The following MEI1 variants were observed in gnomAD, a reference collection of about 807,000 sequenced individuals.
The protein encoded by MEI1 is meiosis inhibitor protein 1.
MEI1 carries 103 observed loss-of-function variants against 146.2 expected under a neutral mutation model. The ratio of observed to expected loss-of-function variants is 0.70; its 90% CI spans 0.60 to 0.83. The LOEUF is 0.83. Ranked by LOEUF, MEI1 falls within the 40% of genes least tolerant of loss-of-function variation. The pLI is 0.00. For missense variants in MEI1, 1,529 were observed against 1,533.0 expected, an observed-to-expected ratio of 1.00 and a Z score of 0.04; for synonymous variants, 652 against 628.2, an observed-to-expected ratio of 1.04 and a Z score of -0.57.
At chr22:41,745,126 C>A in intron 13 of MEI1, 62 bp downstream of exon 13, 1 of 1,179,790 alleles carries the variant, frequency 8.5e-7, no homozygotes, top group South Asian at 1.7e-5. Flanking sequence ...GGGATTCAGA[C>A]AATGGGTGAA....
At chr22:41,737,322 C>G (rs962289436) in intron 11 of MEI1, among the ~76,000 whole-genome samples, 4 of 150,200 alleles carry the variant, frequency 2.7e-5, no homozygotes, top group African/African-American at 9.8e-5. Flanking sequence ...CTGCAAGCTC[C>G]GCCTCCTGGA....
At chr22:41,728,416 T>C (rs1454016635) in intron 7 of MEI1, among the ~76,000 whole-genome samples, 1 of 152,226 alleles carries the variant, frequency 6.6e-6, no homozygotes, top group Non-Finnish European at 1.5e-5. Context: ...TCCCTTGTTA[T>C]GTCACAGAAT....
At chr22:41,745,212 G>A in intron 13 of MEI1, 148 bp downstream of exon 13, 2 of 538,880 alleles carry the variant, frequency 3.7e-6, no homozygotes, top group Non-Finnish European at 6.3e-6. Context: ...GGGGTTGGGG[G>A]TGTGTGGAGG....
At chr22:41,750,925 A>G (rs542424544) in intron 15 of MEI1, among the ~76,000 whole-genome samples, 3 of 152,204 alleles carry the variant, frequency 2.0e-5, no homozygotes, top group East Asian at 3.9e-4. Context: ...CGGACCCAAG[A>G]GGATCTAGTC....
intron 20 of MEI1, among the ~76,000 whole-genome samples, chr22:41,773,598 G>A (rs991705771): frequency 7.3e-5 from 11 of 151,246 alleles, no homozygotes; most frequent in Admixed American, 2.0e-4. Flanking sequence ...CAAGGAGGCC[G>A]GGCGCGGTGG....
chr22:41,716,261 C>A, intron 5 of MEI1, 115 bp downstream of exon 5: 2 of 672,754 alleles, frequency 3.0e-6, no homozygotes, highest in Non-Finnish European at 5.1e-6. Flanking sequence ...CCTGCTTTAG[C>A]CTTCAGTTTC....
intron 6 of MEI1, among the ~76,000 whole-genome samples, chr22:41,720,336 G>C (rs2070653344): frequency 6.6e-6 from 1 of 152,176 alleles, no homozygotes; most frequent in Admixed American, 6.5e-5. Context: ...GCCCTAGGGT[G>C]AGGCCCTTGG....
Position 41,795,489 on chromosome 22 carries a change from C to A in MEI1, c.3613C>A (p.Leu1205Met). ...TCTGCAAGGTGTGGCTTTGGCTGAC[C>A]TGTCTACCCTCTCGAACACCACACT... The part of the protein sequence containing the change: ...DVLQGVALAD[L>M]STLSNTTLQA... Residue 1205 changes from leucine (L) to methionine (M), a missense_variant, in exon 29 of 31, where the codon CTG (leucine) becomes ATG (methionine). Transcript: ENST00000401548. The surrounding 1 kb of genome is among the most constrained non-coding windows in gnomAD (Gnocchi z 4.2). The A allele has an allele frequency of 1.9e-6, 3 of 1,613,506 alleles. No homozygotes were observed. Among genetic ancestry groups the A allele is most frequent in the African/African-American group, 1.3e-5 (1 of 74,886 alleles).
rs760066535 is a variant in MEI1 at position 41,714,069 on chromosome 22, C to G, written c.417C>G (p.His139Gln). The G allele has an allele frequency of 7.5e-6, 12 of 1,597,052 alleles. No individual in the cohort carries two copies. Among genetic ancestry groups the G allele is most frequent in the Non-Finnish European group, 9.4e-6 (11 of 1,171,690 alleles). Reference protein sequence around the residue: ...QTIRCLLDECHKELCNMPSMR... With the variant: ...QTIRCLLDECQKELCNMPSMR... Reference sequence around the variant, plus strand: ...TCCGTTGCCTGCTGGATGAGTGCCACAAAGAGGTCAGAAAATAGCTATGGG... The same window carrying G: ...TCCGTTGCCTGCTGGATGAGTGCCAGAAAGAGGTCAGAAAATAGCTATGGG... Residue 139 changes from histidine to glutamine, a missense_variant, in exon 4 of 31, where the codon CAC (histidine) becomes CAG (glutamine). By Grantham distance (24) the His-to-Gln change is conservative (BLOSUM62 0). Coordinates refer to ENST00000401548, the MANE Select transcript of MEI1 (RefSeq NM_152513.4).
chr22:41,754,025 A>AC lies in MEI1; in HGVS notation c.1931dup (p.Gly645ArgfsTer13). ...CAACCTTCTCTCAGCTCCAGAGAAGACAGGACCACCTTCCAAAGAAGGTAA... is the reference window on the plus strand; with the variant it reads ...CAACCTTCTCTCAGCTCCAGAGAAGACCAGGACCACCTTCCAAAGAAGGTAA... On this transcript the variant is annotated frameshift_variant, in exon 17 of 31. Coordinates refer to ENST00000401548, the MANE Select transcript of MEI1 (RefSeq NM_152513.4). LOFTEE classifies it high-confidence loss of function. The AC allele has an allele frequency of 6.2e-7, 1 of 1,612,538 alleles. No homozygotes were observed. The highest frequency in any genetic ancestry group is 8.5e-7 in the Non-Finnish European group (1 of 1,178,616).
At chr22:41,789,808 A>C (rs897036235) in intron 26 of MEI1, among the ~76,000 whole-genome samples, 1 of 151,814 alleles carries the variant, frequency 6.6e-6, no homozygotes, top group African/African-American at 2.4e-5. Flanking sequence ...GAAGCTCATG[A>C]CTCCCCCTGT....
Position 41,761,641 on chromosome 22 carries a change from T to C in MEI1, c.2121-1533T>C, listed in dbSNP as rs765607312. Among the ~76,000 whole-genome samples the C allele has an allele frequency of 7.8e-4, 118 of 151,986 alleles. 2 individuals are homozygous for C. Among genetic ancestry groups the C allele is most frequent in the Non-Finnish European group, 7.5e-4 (51 of 67,992 alleles). ...CTCAGTCTTAAAAGAAAAAAAAAATTATTAAGGTAAAATTTACACAACATA... is the reference window on the plus strand; with the variant it reads ...CTCAGTCTTAAAAGAAAAAAAAAATCATTAAGGTAAAATTTACACAACATA... On this transcript the variant is annotated intron_variant, in intron 18 of 30. Transcript: ENST00000401548.
intron 12 of MEI1, among the ~76,000 whole-genome samples, chr22:41,744,376 G>A (rs941338961): frequency 4.0e-5 from 6 of 151,048 alleles, no homozygotes; most frequent in African/African-American, 1.5e-4. Context: ...GTTTCACTAT[G>A]TTAGCCAGGA....
At chr22:41,753,903 A>C (rs756036023) in intron 16 of MEI1, 46 bp from the exon 17 acceptor site, 138 of 1,362,084 alleles carry the variant, frequency 1.0e-4, no homozygotes, top group Non-Finnish European at 1.3e-4. Flanking sequence ...CTCCCAGCCA[A>C]AGTAGCAATG....
intron 18 of MEI1, among the ~76,000 whole-genome samples, chr22:41,762,958 C>T (rs1027926481): frequency 1.3e-5 from 2 of 152,098 alleles, no homozygotes; most frequent in African/African-American, 4.8e-5. Context: ...TATTTGGCCC[C>T]TAACTGAGCC....
At chr22:41,753,782 T>G in intron 16 of MEI1, 167 bp from the exon 17 acceptor site, 1 of 576,702 alleles carries the variant, frequency 1.7e-6, no homozygotes, top group Non-Finnish European at 3.1e-6. Flanking sequence ...CCCAGCCCCA[T>G]ATTTACTTTT....
At chr22:41,760,431 C>T (rs2074407831) in intron 18 of MEI1, among the ~76,000 whole-genome samples, 1 of 152,146 alleles carries the variant, frequency 6.6e-6, no homozygotes, top group Non-Finnish European at 1.5e-5. Flanking sequence ...ATTGCTTGAA[C>T]CCGGGAGGCG....
chr22:41,772,461 A>G (rs1010461551), intron 20 of MEI1, among the ~76,000 whole-genome samples: 3 of 152,168 alleles, frequency 2.0e-5, no homozygotes, highest in Non-Finnish European at 4.4e-5. Flanking sequence ...AGCTGGAACT[A>G]CAAGCATGTG....
At chr22:41,704,071 C>T (rs2068904138) in intron 2 of MEI1, among the ~76,000 whole-genome samples, 1 of 152,148 alleles carries the variant, frequency 6.6e-6, no homozygotes, top group Admixed American at 6.6e-5. Context: ...TAGGTATGAC[C>T]CTGCTCAACT....
Sources: gnomAD v4.1 joint callset for allele counts (sites outside exome capture counted in the v4.1 genomes callset) on GRCh38, gnomAD v4.1.1 for gene constraint, Gnocchi (gnomAD v3.1) non-coding constraint, MANE v1.5 for transcripts, NCBI Gene and HGNC (gene_info 2026-07-23, HGNC 2026-07-21) for gene names.